The following MTFP1 variants were observed in gnomAD, a reference collection of about 807,000 sequenced individuals.
The protein encoded by MTFP1 is mitochondrial fission process protein 1.
Under a neutral mutation model 17.1 loss-of-function variants are expected in MTFP1, and 19 were observed. The ratio of observed to expected loss-of-function variants is 1.11; its 90% confidence interval spans 0.77 to 1.63. The LOEUF is 1.63. MTFP1 is among the 40% of genes most tolerant of loss of function. The pLI, the probability that MTFP1 is intolerant of heterozygous loss-of-function variation, is 0.00. For missense variants in MTFP1, 221 were observed against 226.2 expected (o/e 0.98, Z 0.15); for synonymous variants, 89 against 95.2 (o/e 0.93, Z 0.38).
intron 1 of MTFP1, 103 bp from the exon 2 acceptor site, chr22:30,426,614 G>T (rs531095611): frequency 1.1e-5 from 16 of 1,469,150 alleles, no homozygotes; most frequent in Admixed American, 2.0e-5. Context: ...CTTGCCTAAG[G>T]TCACCCAGGG....
chr22:30,425,970 G>A (rs2146055295), intron 1 of MTFP1, 24 bp downstream of exon 1: 3 of 1,494,588 alleles, frequency 2.0e-6, no homozygotes, highest in Non-Finnish European at 1.8e-6. Flanking sequence ...GACGGGCGCG[G>A]CGACCCCACC....
At chr22:30,427,494 G>C (rs939421111) in intron 3 of MTFP1, 91 bp downstream of exon 3, 6 of 1,384,262 alleles carry the variant, frequency 4.3e-6, no homozygotes, top group Non-Finnish European at 6.1e-6. Flanking sequence ...TCTGTGAAGT[G>C]TGGGGTATGC....
rs572874107 is a variant in MTFP1 at position 30,427,019 on chromosome 22, C to T, written c.196-152C>T. On this transcript the variant is annotated intron_variant, in intron 2 of 3. Coordinates refer to ENST00000266263, the MANE Select transcript of MTFP1 (RefSeq NM_016498.5). ...CAGTGTACCCCTGCCCCCACACTCC[C>T]ACTCCCCGAACTGGATGTGGCAGAC... is the stretch of plus-strand genomic sequence containing the variant. 198 of 1,359,456 alleles carry T rather than the reference C, an allele frequency of 1.5e-4. No homozygotes were observed. The African/African-American group carries it at 2.5e-3, about 17-fold the overall frequency. The allele number at this position is 1,359,456 out of a possible 1,614,324, so 84.2% of individuals were successfully genotyped here. A position where few individuals can be genotyped will look rare whatever the true frequency, so the allele number is the denominator to read the frequency against.
At chr22:30,426,343 G>A (rs1010309694) in intron 1 of MTFP1, among the ~76,000 whole-genome samples, 1 of 152,214 alleles carries the variant, frequency 6.6e-6, no homozygotes. Context: ...GTGGTTGCGA[G>A]GGTGGAATGG....
rs781578814 is a variant in MTFP1, at chr22:30,426,766, G to C, written c.117G>C (p.Ala39=). ...CTTTCCGCTCTCTTGTGCCAGCGGCGGTGGTGTGGCTGAGCTATGGCGTGG... is the reference window on the plus strand; with the variant it reads ...CTTTCCGCTCTCTTGTGCCAGCGGCCGTGGTGTGGCTGAGCTATGGCGTGG... ...GEAFRSLVPA[A]VVWLSYGVAS... The change falls in exon 2 of 4, where the codon GCG becomes GCC. Residue 39 remains alanine (A), a synonymous_variant. Coordinates refer to ENST00000266263, the MANE Select transcript of MTFP1 (RefSeq NM_016498.5). 1 of 1,614,082 alleles carries C rather than the reference G, an allele frequency of 6.2e-7. No individual in the cohort carries two copies. The highest frequency in any genetic ancestry group is 2.2e-5 in the East Asian group (1 of 44,882).
At chr22:30,427,501 A>G in intron 3 of MTFP1, 98 bp downstream of exon 3, 2 of 1,316,022 alleles carry the variant, frequency 1.5e-6, no homozygotes, top group Non-Finnish European at 1.1e-6. Flanking sequence ...AGTGTGGGGT[A>G]TGCCCACTTT....
intron 1 of MTFP1, among the ~76,000 whole-genome samples, chr22:30,426,512 G>A (rs182532162): frequency 7.4e-4 from 113 of 152,272 alleles, no homozygotes; most frequent in African/African-American, 2.4e-3. Flanking sequence ...CAGTGACTCA[G>A]TGCTCAGTCC....
At chr22:30,426,637 G>A in intron 1 of MTFP1, 80 bp from the exon 2 acceptor site, 1 of 1,565,746 alleles carries the variant, frequency 6.4e-7, no homozygotes. Flanking sequence ...TGCTTAGCTG[G>A]CTAGGATGAG....
intron 2 of MTFP1, 140 bp downstream of exon 2, chr22:30,426,984 G>A (rs1165619666): frequency 6.9e-7 from 1 of 1,444,982 alleles, no homozygotes; most frequent in Non-Finnish European, 9.6e-7. Context: ...AGACAGTCCT[G>A]TTTGTAGGAC....
Position 30,425,897 on chromosome 22 carries a change from G to T in MTFP1, c.18G>T (p.Pro6=). The change falls in exon 1 of 4, where the codon CCG becomes CCT. Residue 6 remains proline, a synonymous_variant. Coordinates refer to ENST00000266263, the MANE Select transcript of MTFP1 (RefSeq NM_016498.5). The part of the protein sequence containing the change: MSEPQ[P]RGAERDLYRD... ...GGAGAGTCATGTCAGAGCCGCAGCCGCGGGGCGCAGAGCGCGATCTCTACC... is the reference window on the plus strand; with the variant it reads ...GGAGAGTCATGTCAGAGCCGCAGCCTCGGGGCGCAGAGCGCGATCTCTACC... The T allele has an allele frequency of 1.3e-6, 2 of 1,533,354 alleles. No homozygotes were observed. The highest frequency in any genetic ancestry group is 1.2e-5 in the South Asian group (1 of 83,002). The allele number at this position is 1,533,354 out of a possible 1,614,324, so 95.0% of individuals were successfully genotyped here. A position where few individuals can be genotyped will look rare whatever the true frequency, so the allele number is the denominator to read the frequency against.
chr22:30,426,074 A>G (rs1601795338), intron 1 of MTFP1, 128 bp downstream of exon 1: 1 of 957,466 alleles, frequency 1.0e-6, no homozygotes, highest in East Asian at 3.1e-5. Flanking sequence ...TTTGGGCCGG[A>G]GACTGGGCTC....
At chr22:30,428,048 T>C (rs1401888927) in intron 3 of MTFP1, among the ~76,000 whole-genome samples, 1 of 152,160 alleles carries the variant, frequency 6.6e-6, no homozygotes, top group Admixed American at 6.5e-5. Flanking sequence ...ATTGGTCCAT[T>C]CTGGACTGCA....
chr22:30,428,902 C>T lies in MTFP1; in HGVS notation c.*368C>T, dbSNP rs1934717199. On this transcript the variant is annotated 3_prime_UTR_variant, in exon 4 of 4. Coordinates refer to ENST00000266263, the MANE Select transcript of MTFP1 (RefSeq NM_016498.5). ...CTTGGCAAGCTGGGCACCCAGGACC[C>T]CCAGGTGCTTGACAGAGTCACCCCA... 1.8e-6 allele frequency: 1 copy of T among 554,042 alleles called. No individual in the cohort carries two copies. The highest frequency in any genetic ancestry group is 3.1e-5 in the East Asian group (1 of 31,822). The allele number at this position is 554,042 out of a possible 1,614,324, so 34.3% of individuals were successfully genotyped here. A position where few individuals can be genotyped will look rare whatever the true frequency, so the allele number is the denominator to read the frequency against.
In MTFP1 at chr22:30,425,927, C is replaced by T; in HGVS notation, c.48C>T (p.Asp16=). ...GCGCAGAGCGCGATCTCTACCGGGA[C>T]ACGTGGGTGCGATACCTGGGTGAGC... is the stretch of plus-strand genomic sequence containing the variant. ...PRGAERDLYR[D]TWVRYLGYAN... Residue 16 remains aspartate, a synonymous_variant, in exon 1 of 4, where the codon GAC becomes GAT. Transcript: ENST00000266263. 2 of 1,530,980 alleles carry T rather than the reference C, an allele frequency of 1.3e-6. No individual in the cohort carries two copies. Among genetic ancestry groups the T allele is most frequent in the Non-Finnish European group, 8.8e-7 (1 of 1,139,080 alleles). 94.8% of individuals were successfully genotyped at this position (1,530,980 alleles called of 1,614,324 possible).
rs200697149 is a variant in MTFP1 at position 30,428,579 on chromosome 22, T to C, written c.*45T>C. 27 of 1,614,054 alleles carry C rather than the reference T, an allele frequency of 1.7e-5. No homozygotes were observed. The highest frequency in any genetic ancestry group is 2.7e-5 in the African/African-American group (2 of 74,928). ...CTGTGCATCGGCCTCCTGCTTCATG[T>C]CAACCTCCTACTCCTGCCAGGGAAT... On this transcript the variant is annotated 3_prime_UTR_variant, in exon 4 of 4. Transcript: ENST00000266263.
Position 30,425,960 on chromosome 22 carries a change from G to A in MTFP1, c.67+14G>A, listed in dbSNP as rs1290820175. On this transcript the variant is annotated intron_variant, in intron 1 of 3. Coordinates refer to ENST00000266263, the MANE Select transcript of MTFP1 (RefSeq NM_016498.5). ...TGCGATACCTGGGTGAGCGCGGGGC[G>A]ACGGGCGCGGCGACCCCACCACCAC... The A allele has an allele frequency of 2.7e-6, 4 of 1,500,192 alleles. No individual in the cohort carries two copies. Among genetic ancestry groups the A allele is most frequent in the Non-Finnish European group, 2.7e-6 (3 of 1,125,436 alleles). 92.9% of individuals were successfully genotyped at this position (1,500,192 alleles called of 1,614,324 possible).
Position 30,428,464 on chromosome 22 carries a change from C to T in MTFP1, c.431C>T (p.Ser144Leu), listed in dbSNP as rs751222537. 1.2e-6 allele frequency: 2 copies of T among 1,613,986 alleles called. No homozygotes were observed. Among genetic ancestry groups the T allele is most frequent in the South Asian group, 2.2e-5 (2 of 91,068 alleles). ...CACCACCCTTCCACTCCCTACAGGTCGGTGGATTTCCTCCTGGACTCCAGC... is the reference window on the plus strand; with the variant it reads ...CACCACCCTTCCACTCCCTACAGGTTGGTGGATTTCCTCCTGGACTCCAGC... ...IPIIIHPIDR[S>L]VDFLLDSSLR... The change falls in exon 4 of 4, where the codon TCG becomes TTG. Residue 144 changes from serine to leucine, a missense_variant and splice_region_variant. Transcript: ENST00000266263.
In MTFP1 at chr22:30,428,470, A is replaced by T. The variant is rs1365317570; in HGVS notation, c.437A>T (p.Asp146Val). 1.2e-6 allele frequency: 2 copies of T among 1,613,872 alleles called. No homozygotes were observed. The highest frequency in any genetic ancestry group is 2.7e-5 in the African/African-American group (2 of 74,924). ...CCTTCCACTCCCTACAGGTCGGTGG[A>T]TTTCCTCCTGGACTCCAGCCTGCGC... ...IIIHPIDRSV[D>V]FLLDSSLRKL... The change falls in exon 4 of 4, where the codon GAT becomes GTT. Residue 146 changes from aspartate (D) to valine (V), a missense_variant. Transcript: ENST00000266263.
rs1934658464 is a variant in MTFP1 at position 30,425,903 on chromosome 22, C to T, written c.24C>T (p.Gly8=). The part of the protein sequence containing the change: MSEPQPR[G]AERDLYRDTW... ...TCATGTCAGAGCCGCAGCCGCGGGG[C>T]GCAGAGCGCGATCTCTACCGGGACA... is the stretch of plus-strand genomic sequence containing the variant. Residue 8 remains glycine (G), a synonymous_variant, in exon 1 of 4, where the codon GGC becomes GGT. Transcript: ENST00000266263. 2.0e-6 allele frequency: 3 copies of T among 1,533,808 alleles called. No individual in the cohort carries two copies. The highest frequency in any genetic ancestry group is 1.8e-6 in the Non-Finnish European group (2 of 1,141,052).
Sources: allele counts gnomAD v4.1 joint callset (sites outside exome capture counted in the v4.1 genomes callset), GRCh38; gene constraint gnomAD v4.1.1; transcripts MANE v1.5; gene names NCBI Gene and HGNC (gene_info 2026-07-23, HGNC 2026-07-21).